The following PKD2L1 variants were observed in gnomAD, a reference collection of about 807,000 sequenced individuals.
PKD2L1 encodes polycystin-2-like protein 1.
PKD2L1 carries 77 observed loss-of-function variants against 93.0 expected under a neutral mutation model. The ratio of observed to expected loss-of-function variants is 0.83; its 90% CI spans 0.69 to 1.00. The LOEUF (loss-of-function observed/expected upper bound fraction) is 1.00, where lower values mean the gene tolerates loss of function less well. PKD2L1 is among the 50% of genes least tolerant of loss of function. The pLI, the probability that PKD2L1 is intolerant of heterozygous loss-of-function variation, is 0.00. For synonymous variants in PKD2L1, 390 were observed against 388.0 expected, an observed-to-expected ratio of 1.01 and a Z score of -0.06; for missense variants, 977 against 990.9, an observed-to-expected ratio of 0.99 and a Z score of 0.19.
intron 2 of PKD2L1, among the ~76,000 whole-genome samples, chr10:100,314,903 T>G (rs1199085111): frequency 4.1e-5 from 6 of 147,564 alleles, no homozygotes; most frequent in Admixed American, 2.1e-4. Flanking sequence ...GGCGTGTTGG[T>G]GTGAGCCTGT....
chr10:100,305,653 T>C (rs1468920074), intron 2 of PKD2L1, among the ~76,000 whole-genome samples: 1 of 151,990 alleles, frequency 6.6e-6, no homozygotes, highest in African/African-American at 2.4e-5. Flanking sequence ...CTACACAGCG[T>C]GAAGGTAGAA....
chr10:100,302,708 T>A (rs1343787046), intron 2 of PKD2L1, among the ~76,000 whole-genome samples: 6 of 148,444 alleles, frequency 4.0e-5, no homozygotes, highest in African/African-American at 5.1e-5. Context: ...AAAAAAAAAA[T>A]TGTTCCAGGT....
rs1564883975 is a variant in PKD2L1 at position 100,298,593 on chromosome 10, GTTC to G, written c.697_699del (p.Glu233del). The G allele has an allele frequency of 4.3e-6, 7 of 1,614,008 alleles. No homozygotes were observed. Among genetic ancestry groups the G allele is most frequent in the Non-Finnish European group, 5.1e-6 (6 of 1,180,004 alleles). Reference sequence around the variant, plus strand: ...CCATTGAAGGGCCCAAAGGGGAGTTGTTCTTCTTTGTCTGGAGAGTAGACATCA... The same window carrying G: ...CCATTGAAGGGCCCAAAGGGGAGTTGTTCTTTGTCTGGAGAGTAGACATCA... On this transcript the variant is annotated inframe_deletion, in exon 4 of 16. Coordinates refer to ENST00000318222, the MANE Select transcript of PKD2L1 (RefSeq NM_016112.3).
intron 2 of PKD2L1, among the ~76,000 whole-genome samples, chr10:100,326,712 C>G (rs188269222): frequency 3.3e-5 from 5 of 152,312 alleles, no homozygotes; most frequent in Admixed American, 2.6e-4. Context: ...TATTATCTCA[C>G]ATAATCCTAT....
chr10:100,312,340 C>T (rs1848953283), intron 2 of PKD2L1, among the ~76,000 whole-genome samples: 1 of 152,148 alleles, frequency 6.6e-6, no homozygotes, highest in African/African-American at 2.4e-5. Context: ...GACACATGGC[C>T]AGTTTCTTCT....
intron 11 of PKD2L1, among the ~76,000 whole-genome samples, chr10:100,292,555 A>G (rs1475810398): frequency 6.6e-6 from 1 of 152,204 alleles, no homozygotes; most frequent in African/African-American, 2.4e-5. Flanking sequence ...GGTGCTCACA[A>G]TGTATTTGTT....
chr10:100,329,491 C>T (rs1849456638), intron 1 of PKD2L1, 167 bp from the exon 2 acceptor site: 3 of 923,414 alleles, frequency 3.2e-6, no homozygotes, highest in Non-Finnish European at 4.9e-6. Context: ...CATGCTTGCT[C>T]TTCCCATCAG....
In PKD2L1 at chr10:100,288,276, C is replaced by G; in HGVS notation, c.*120G>C. 1.4e-6 allele frequency: 1 copy of G among 690,124 alleles called. No homozygotes were observed. The highest frequency in any genetic ancestry group is 2.2e-5 in the Admixed American group (1 of 46,192). The allele number at this position is 690,124 out of a possible 1,614,324, so 42.8% of individuals were successfully genotyped here. A position where few individuals can be genotyped will look rare whatever the true frequency, so the allele number is the denominator to read the frequency against. The stretch of plus-strand genomic sequence containing the variant: ...CCTGAGTTCATTTCCTTGCCTGATT[C>G]CCTTCAGGCTCCATTTTTATCTCCT... On this transcript the variant is annotated 3_prime_UTR_variant, in exon 16 of 16. Transcript: ENST00000318222.
At chr10:100,302,160 C>T (rs1375364230) in intron 2 of PKD2L1, among the ~76,000 whole-genome samples, 2 of 152,038 alleles carry the variant, frequency 1.3e-5, no homozygotes, top group Non-Finnish European at 2.9e-5. Flanking sequence ...TAAAATTCCA[C>T]AATTCCTTCT....
At chr10:100,306,812 C>A (rs1047512379) in intron 2 of PKD2L1, among the ~76,000 whole-genome samples, 4 of 139,702 alleles carry the variant, frequency 2.9e-5, no homozygotes, top group African/African-American at 1.1e-4. Context: ...GAGTCATGAT[C>A]GTGCCACTGC....
At chr10:100,324,057 G>GC (rs1215063327) in intron 2 of PKD2L1, among the ~76,000 whole-genome samples, 1 of 152,056 alleles carries the variant, frequency 6.6e-6, no homozygotes, top group East Asian at 1.9e-4. Flanking sequence ...CGAACTCCTG[G>GC]CCTCAGGCAG....
At chr10:100,324,780 A>G (rs528356429) in intron 2 of PKD2L1, among the ~76,000 whole-genome samples, 73 of 152,272 alleles carry the variant, frequency 4.8e-4, no homozygotes, top group Admixed American at 1.6e-3. Context: ...TCTGACTCCA[A>G]TGTTTTTATG....
At chr10:100,306,484 C>T (rs992156657) in intron 2 of PKD2L1, among the ~76,000 whole-genome samples, 3 of 152,166 alleles carry the variant, frequency 2.0e-5, no homozygotes, top group Non-Finnish European at 4.4e-5. Flanking sequence ...GGGAAAATCA[C>T]TGAGTTCACT....
chr10:100,294,484 A>G (rs189676833), intron 9 of PKD2L1, 51 bp downstream of exon 9: 1 of 1,609,766 alleles, frequency 6.2e-7, no homozygotes, highest in South Asian at 1.1e-5. Context: ...CTAGGACCAA[A>G]ACTCCACCCT....
chr10:100,298,801 T>C lies in PKD2L1; in HGVS notation c.492A>G (p.Pro164=), dbSNP rs755137736. Residue 164 remains proline, a synonymous_variant, in exon 4 of 16, where the codon CCA becomes CCG. Coordinates refer to ENST00000318222, the MANE Select transcript of PKD2L1 (RefSeq NM_016112.3). ...MADFWDFAQG[P]LLDSLYWTKW... ...TGGTCCAATACAAACTGTCCAGTAG[T>C]GGGCCCTGGGCAAACTGAACCACAA... The C allele has an allele frequency of 6.2e-7, 1 of 1,611,218 alleles. No individual in the cohort carries two copies. Among genetic ancestry groups the C allele is most frequent in the Non-Finnish European group, 8.5e-7 (1 of 1,178,526 alleles).
At chr10:100,305,204 C>T (rs1406011568) in intron 2 of PKD2L1, among the ~76,000 whole-genome samples, 1 of 151,486 alleles carries the variant, frequency 6.6e-6, no homozygotes, top group South Asian at 2.1e-4. Context: ...CTCTGCCTCC[C>T]GGGTTCAAGC....
chr10:100,293,127 C>T (rs35662118), intron 10 of PKD2L1, 58 bp from the exon 11 acceptor site: 97,164 of 1,594,714 alleles, frequency 0.061, 3,276 homozygotes, highest in African/African-American at 0.1. Context: ...ATCCCTGGCC[C>T]CCAGCCCCAC....
At chr10:100,315,115 G>GGAAGA (rs1564891509) in intron 2 of PKD2L1, among the ~76,000 whole-genome samples, 1 of 79,244 alleles carries the variant, frequency 1.3e-5, no homozygotes, top group Middle Eastern at 7.6e-3. Flanking sequence ...GGAAGGGAAG[G>GGAAGA]GAAGAGAAAA....
intron 2 of PKD2L1, among the ~76,000 whole-genome samples, chr10:100,309,178 A>C (rs564684280): frequency 6.6e-6 from 1 of 152,340 alleles, no homozygotes; most frequent in South Asian, 2.1e-4. Context: ...ATGGAATATG[A>C]TACAGTCATC....
Sources: allele counts gnomAD v4.1 joint callset (sites outside exome capture counted in the v4.1 genomes callset), GRCh38; gene constraint gnomAD v4.1.1; transcripts MANE v1.5; gene names NCBI Gene and HGNC (gene_info 2026-07-23, HGNC 2026-07-21).